Variants in SFI1 observed in about 807,000 individuals in gnomAD.
SFI1 encodes the protein protein SFI1 homolog.
A neutral mutation model predicts 207.5 loss-of-function variants in SFI1; 195 were observed. That is an observed-to-expected ratio of 0.94 (90% confidence interval 0.84 to 1.06). The LOEUF (loss-of-function observed/expected upper bound fraction) is 1.06. Ranked by LOEUF, SFI1 falls within the 50% of genes least tolerant of loss-of-function variation. The probability of loss-of-function intolerance (pLI) is 0.00; values close to 1 mark genes in which losing one functional copy is unlikely to be tolerated. For synonymous variants in SFI1, 630 were observed against 598.9 expected, an observed-to-expected ratio of 1.05 and a Z score of -0.76; for missense variants, 1,634 against 1,588.0, an observed-to-expected ratio of 1.03 and a Z score of -0.49.
intron 6 of SFI1, chr22:31,550,612 G>T (rs1055484518): frequency 6.2e-5 from 22 of 357,628 alleles, no homozygotes; most frequent in Admixed American, 2.6e-4. Flanking sequence ...TTCCTGGCCT[G>T]CTGGTTCAGT....
At chr22:31,552,534 G>A (rs1193525387) in intron 6 of SFI1, among the ~76,000 whole-genome samples, 1 of 152,212 alleles carries the variant, frequency 6.6e-6, no homozygotes, top group Non-Finnish European at 1.5e-5. Context: ...TTGCAGGCAT[G>A]AGCCACCACG....
intron 2 of SFI1, among the ~76,000 whole-genome samples, chr22:31,520,192 G>T (rs1003705494): frequency 2.1e-5 from 3 of 145,832 alleles, no homozygotes; most frequent in Non-Finnish European, 3.0e-5. Context: ...AAAAAAAAAA[G>T]ATAAGACCTT....
intron 4 of SFI1, among the ~76,000 whole-genome samples, chr22:31,542,217 G>A (rs2059609848): frequency 6.6e-6 from 1 of 150,942 alleles, no homozygotes; most frequent in Admixed American, 6.6e-5. Context: ...GTCTTTTCAG[G>A]CTTTTAATGT....
chr22:31,614,517 A>C, intron 27 of SFI1: 2 of 646,032 alleles, frequency 3.1e-6, no homozygotes, highest in South Asian at 3.0e-5. Flanking sequence ...CCCCTGTGAC[A>C]TGGACCCTGG....
At chr22:31,528,056 C>T (rs546047120) in intron 2 of SFI1, among the ~76,000 whole-genome samples, 11 of 151,846 alleles carry the variant, frequency 7.2e-5, no homozygotes, top group South Asian at 4.2e-4. Flanking sequence ...GGAGGTTAAA[C>T]GAGCTGAGAT....
intron 21 of SFI1, among the ~76,000 whole-genome samples, chr22:31,607,178 T>A (rs1361759745): frequency 1.3e-5 from 2 of 152,166 alleles, no homozygotes; most frequent in Non-Finnish European, 2.9e-5. Flanking sequence ...GCCTTTTTGG[T>A]GGGAATGGAG....
chr22:31,612,954 C>G (rs2070632153), intron 24 of SFI1, 188 bp from the exon 25 acceptor site: 1 of 600,954 alleles, frequency 1.7e-6, no homozygotes, highest in African/African-American at 1.8e-5. Flanking sequence ...GAAGGTCATT[C>G]CTCAGGCCAC....
chr22:31,610,246 A>G (rs1187278678), intron 22 of SFI1, among the ~76,000 whole-genome samples: 1 of 152,220 alleles, frequency 6.6e-6, no homozygotes, highest in African/African-American at 2.4e-5. Context: ...GCTGGCGGTC[A>G]TAACCTGGCT....
intron 2 of SFI1, among the ~76,000 whole-genome samples, chr22:31,511,315 G>A (rs2055473874): frequency 6.6e-6 from 1 of 152,094 alleles, no homozygotes; most frequent in South Asian, 2.1e-4. Flanking sequence ...CTCATAGAAG[G>A]AGTCCTCGTA....
rs755058342 is a variant in SFI1, at chr22:31,611,729, T to TCAGGACG, written c.2416-35_2416-29dup. ...CCCACCCCAGGCTGTCTAGGCTGGG[T>TCAGGACG]CAGGACGCCACTCTCTGTGCACTTG... On this transcript the variant is annotated intron_variant, in intron 23 of 32. Coordinates refer to ENST00000400288, the MANE Select transcript of SFI1 (RefSeq NM_001007467.3). The TCAGGACG allele has an allele frequency of 4.9e-4, 783 of 1,600,258 alleles. 1 individual carries two copies. The highest frequency in any genetic ancestry group is 6.3e-4 in the Non-Finnish European group (735 of 1,175,366).
intron 15 of SFI1, among the ~76,000 whole-genome samples, chr22:31,596,983 GGCTTCAGTACTGAAGACA>G (rs2067233167): frequency 1.1e-4 from 12 of 111,540 alleles, no homozygotes; most frequent in Admixed American, 1.8e-4. Context: ...GTTTCTAAAT[GGCTTCAGTACTGAAGACA>G]CGCACACACG....
chr22:31,540,490 C>T (rs936777241), intron 4 of SFI1, among the ~76,000 whole-genome samples: 4 of 151,962 alleles, frequency 2.6e-5, no homozygotes, highest in South Asian at 4.2e-4. Context: ...CCCTCTTGGC[C>T]AGGCTGGTAT....
intron 6 of SFI1, among the ~76,000 whole-genome samples, chr22:31,551,233 A>G (rs928801235): frequency 6.6e-6 from 1 of 152,156 alleles, no homozygotes; most frequent in African/African-American, 2.4e-5. Context: ...TCCTTTACGT[A>G]AAGTTAACCC....
intron 4 of SFI1, among the ~76,000 whole-genome samples, chr22:31,545,385 A>G (rs1385785333): frequency 6.6e-6 from 1 of 151,090 alleles, no homozygotes. Flanking sequence ...AGAAAAAAAA[A>G]ATTTGTAGAG....
intron 12 of SFI1, among the ~76,000 whole-genome samples, 178 bp downstream of exon 12, chr22:31,580,542 C>CTTTTTTTTTTTTTTTTTTTTTTTTTT (rs11347645): frequency 1.7e-5 from 2 of 117,282 alleles, no homozygotes; most frequent in Non-Finnish European, 3.5e-5. Flanking sequence ...CTTTTCTTTT[C>CTTTTTTTTTTTTTTTTTTTTTTTTTT]TTTTTTTTTT....
At chr22:31,558,707 GACCTCATGA>G (rs2061400600) in intron 7 of SFI1, among the ~76,000 whole-genome samples, 1 of 152,106 alleles carries the variant, frequency 6.6e-6, no homozygotes, top group Admixed American at 6.6e-5. Context: ...TCGAACTCCT[GACCTCATGA>G]TTCACCGGCC....
intron 2 of SFI1, among the ~76,000 whole-genome samples, chr22:31,512,045 A>C (rs190931367): frequency 6.6e-6 from 1 of 152,292 alleles, no homozygotes; most frequent in African/African-American, 2.4e-5. Flanking sequence ...TAACACAGGT[A>C]AAGAAATAGG....
At chr22:31,607,248 G>A (rs142493286) in intron 21 of SFI1, among the ~76,000 whole-genome samples, 2 of 152,134 alleles carry the variant, frequency 1.3e-5, no homozygotes, top group East Asian at 3.9e-4. Context: ...TTGTTATTGT[G>A]ATTTTGTAGG....
chr22:31,536,529 C>T (rs750879858), intron 4 of SFI1, among the ~76,000 whole-genome samples: 6 of 152,100 alleles, frequency 3.9e-5, no homozygotes, highest in African/African-American at 1.2e-4. Flanking sequence ...CTCCTGCCTC[C>T]GCCTCCTGAG....
Sources: allele counts gnomAD v4.1 joint callset (sites outside exome capture counted in the v4.1 genomes callset), GRCh38; gene constraint gnomAD v4.1.1; transcripts MANE v1.5; gene names NCBI Gene and HGNC (gene_info 2026-07-23, HGNC 2026-07-21).